NLGN4X: variants seen among roughly 807,000 people sequenced by gnomAD.
The protein encoded by NLGN4X is neuroligin 4 X-linked, also known as neuroligin-4, X-linked.
Under a neutral mutation model 40.3 loss-of-function variants are expected in NLGN4X, and 3 were observed. That is an observed-to-expected ratio of 0.07 (90% CI 0.03 to 0.19). The LOEUF is 0.19. NLGN4X is among the 10% of genes least tolerant of loss of function. The pLI, the probability that NLGN4X is intolerant of heterozygous loss-of-function variation, is 1.00. For missense variants in NLGN4X, 382 were observed against 708.3 expected (o/e 0.54, Z 5.23); for synonymous variants, 270 against 306.8 (o/e 0.88, Z 1.25).
At position 5,890,862 on chromosome X, in the gene NLGN4X, A is replaced by G; in HGVS notation, c.*1955T>C. 3.1e-6 allele frequency: 1 copy of G among 323,034 alleles called. No homozygotes were observed. The highest frequency in any genetic ancestry group is 5.9e-6 in the Non-Finnish European group (1 of 168,271). 26.6% of individuals were successfully genotyped at this position (323,034 alleles called of 1,213,427 possible). ...TTTCTTTTTTCTAGAGGTCACTCTC[A>G]AACACTGATATATCACTATAGTTTG... is the stretch of plus-strand genomic sequence containing the variant. On this transcript the variant is annotated 3_prime_UTR_variant, in exon 6 of 6. Coordinates refer to ENST00000381095, the MANE Select transcript of NLGN4X (RefSeq NM_181332.3).
chrX:5,972,153 ATG>A (rs200248684), intron 3 of NLGN4X, among the ~76,000 whole-genome samples: 7,516 of 109,530 alleles, frequency 0.069, 625 homozygotes, highest in African/African-American at 0.23. Flanking sequence ...ACATATGTAT[ATG>A]TGTGTGTGCA....
chrX:6,092,584 T>C (rs1306938985), intron 2 of NLGN4X, among the ~76,000 whole-genome samples: 1 of 112,282 alleles, frequency 8.9e-6, no homozygotes, highest in African/African-American at 3.2e-5. Context: ...ACTAAGCCCA[T>C]GAACACTGAG....
At chrX:5,956,191 TATATACACACATATATATA>T (rs1379555984) in intron 3 of NLGN4X, among the ~76,000 whole-genome samples, 3 of 108,152 alleles carry the variant, frequency 2.8e-5, no homozygotes, top group East Asian at 2.8e-4. Context: ...TATATGTGTG[TATATACACACATATATATA>T]ATATACACAC....
intron 2 of NLGN4X, among the ~76,000 whole-genome samples, chrX:6,121,488 G>C (rs932922578): frequency 1.8e-5 from 2 of 112,256 alleles, no homozygotes; most frequent in Non-Finnish European, 3.8e-5. Context: ...AAAAATCCCA[G>C]GCTGTTGTGG....
chrX:6,007,424 T>C (rs1427075953), intron 3 of NLGN4X, among the ~76,000 whole-genome samples: 1 of 111,869 alleles, frequency 8.9e-6, no homozygotes, highest in Non-Finnish European at 1.9e-5. Context: ...ACATCACCAC[T>C]ATGAATATAC....
intron 3 of NLGN4X, among the ~76,000 whole-genome samples, chrX:5,999,639 C>T (rs1396867947): frequency 2.7e-5 from 3 of 112,243 alleles, no homozygotes; most frequent in Admixed American, 9.5e-5. Context: ...TGAAAGTAAA[C>T]GATGAGATAT....
chrX:6,055,375 G>A (rs1269048362), intron 2 of NLGN4X, among the ~76,000 whole-genome samples: 1 of 111,979 alleles, frequency 8.9e-6, no homozygotes, highest in Admixed American at 9.4e-5. Context: ...GGCATCTGTA[G>A]TCCTATTTAC....
chrX:5,998,281 G>T (rs1485218864), intron 3 of NLGN4X, among the ~76,000 whole-genome samples: 1 of 109,025 alleles, frequency 9.2e-6, no homozygotes, highest in Non-Finnish European at 1.9e-5. Flanking sequence ...GTGGTGGCAG[G>T]CTCCTGTAAT....
In NLGN4X at chrX:6,127,417, T is replaced by A. The variant is rs548033816; in HGVS notation, c.472+23578A>T. Among the ~76,000 whole-genome samples, 8 of 112,441 alleles carry A rather than the reference T, an allele frequency of 7.1e-5. No individual in the cohort carries two copies. The South Asian group carries it at 2.9e-3, about 41-fold the overall frequency. On this transcript the variant is annotated intron_variant, in intron 2 of 5. Coordinates refer to ENST00000381095, the MANE Select transcript of NLGN4X (RefSeq NM_181332.3). ...CAAGGTCAGCAGTTCGAGGCCAGCC[T>A]GGCCAACATGGTGAAACCCCATCTC...
At chrX:5,926,789 TAC>T (rs3072083) in intron 3 of NLGN4X, among the ~76,000 whole-genome samples, 1,429 of 92,796 alleles carry the variant, frequency 0.015, 14 homozygotes, top group East Asian at 0.072. Flanking sequence ...CTAGAGAGCA[TAC>T]ACACACACAC....
intron 1 of NLGN4X, among the ~76,000 whole-genome samples, chrX:6,164,142 G>A (rs2147752875): frequency 8.9e-6 from 1 of 112,892 alleles, no homozygotes; most frequent in Admixed American, 9.3e-5. Context: ...CATTGACACA[G>A]CAGTAAAGTG....
At chrX:6,212,587 A>C (rs979427457) in intron 1 of NLGN4X, among the ~76,000 whole-genome samples, 1 of 111,108 alleles carries the variant, frequency 9.0e-6, no homozygotes, top group African/African-American at 3.3e-5. Flanking sequence ...GGAAAGCCCC[A>C]CTCTTAAGCT....
At chrX:6,205,546 C>A (rs1261802332) in intron 1 of NLGN4X, among the ~76,000 whole-genome samples, 1 of 112,714 alleles carries the variant, frequency 8.9e-6, no homozygotes, top group Non-Finnish European at 1.9e-5. Context: ...TATGTCCATA[C>A]AAGAGCAGGG....
At chrX:5,989,254 T>A (rs928900417) in intron 3 of NLGN4X, among the ~76,000 whole-genome samples, 1 of 111,360 alleles carries the variant, frequency 9.0e-6, no homozygotes, top group African/African-American at 3.3e-5. Flanking sequence ...GGATTAAGAC[T>A]TGCCTCAGCA....
chrX:6,186,164 C>A (rs146605016), intron 1 of NLGN4X, among the ~76,000 whole-genome samples: 165 of 112,486 alleles, frequency 1.5e-3, no homozygotes, highest in African/African-American at 5.2e-3. Context: ...GTATGCATTG[C>A]CAATGTTTTC....
rs191105501 is a variant in NLGN4X, at chrX:5,913,986, C to T, written c.626-4747G>A. ...GACTTTGCTTCTCCTTTGTCTTCTG[C>T]CATGATCGTGAGGCCTCCCCAGCCA... On this transcript the variant is annotated intron_variant, in intron 3 of 5. Coordinates refer to ENST00000381095, the MANE Select transcript of NLGN4X (RefSeq NM_181332.3). Among the ~76,000 whole-genome samples, 3 of 112,198 alleles carry T rather than the reference C, an allele frequency of 2.7e-5. No individual in the cohort carries two copies. The Admixed American group carries it at 2.8e-4, about 11-fold the overall frequency.
At chrX:5,979,089 T>G (rs1490918849) in intron 3 of NLGN4X, among the ~76,000 whole-genome samples, 1 of 111,488 alleles carries the variant, frequency 9.0e-6, no homozygotes, top group Admixed American at 9.6e-5. Context: ...TATCTCTTGC[T>G]CCTCCTCCTC....
chrX:5,934,304 A>C (rs7062491), intron 3 of NLGN4X, among the ~76,000 whole-genome samples: 3 of 111,873 alleles, frequency 2.7e-5, no homozygotes, highest in African/African-American at 9.7e-5. Context: ...ATACATCTCA[A>C]GTATAACACA....
At chrX:5,988,416 G>C (rs1029728494) in intron 3 of NLGN4X, among the ~76,000 whole-genome samples, 3 of 112,400 alleles carry the variant, frequency 2.7e-5, no homozygotes, top group African/African-American at 9.7e-5. Context: ...TATTCAGTTA[G>C]TTGTATGGAA....
Sources: gnomAD v4.1 joint callset for allele counts (sites outside exome capture counted in the v4.1 genomes callset) on GRCh38, gnomAD v4.1.1 for gene constraint, MANE v1.5 for transcripts, NCBI Gene and HGNC (gene_info 2026-07-23, HGNC 2026-07-21) for gene names.